DLG1: variants seen among roughly 807,000 people sequenced by gnomAD.
The protein encoded by DLG1 is disks large homolog 1.
In DLG1, 42 loss-of-function variants were observed where a neutral mutation model predicts 123.4. That is an observed-to-expected ratio of 0.34 (90% CI 0.27 to 0.44). The LOEUF (loss-of-function observed/expected upper bound fraction) is 0.44, where lower values mean the gene tolerates loss of function less well. Among genes scored for constraint, DLG1 ranks in the 20% least tolerant of loss-of-function variants. The pLI is 1.00. For missense variants in DLG1, 942 were observed against 1,082.6 expected (o/e 0.87, Z 1.82); for synonymous variants, 317 against 356.2 (o/e 0.89, Z 1.24).
At chr3:197,276,325 T>C (rs1239033820) in intron 4 of DLG1, among the ~76,000 whole-genome samples, 2 of 152,252 alleles carry the variant, frequency 1.3e-5, no homozygotes, top group Non-Finnish European at 2.9e-5. Flanking sequence ...GTGGTGAATC[T>C]GGAGCATATG....
At chr3:197,183,596 C>T (rs1362164023) in intron 5 of DLG1, 17 of 1,550,206 alleles carry the variant, frequency 1.1e-5, no homozygotes, top group South Asian at 3.6e-5. Flanking sequence ...TGGTGGCTAC[C>T]GAGATGCAGT....
chr3:197,190,437 G>A (rs929216572), intron 5 of DLG1, among the ~76,000 whole-genome samples: 1 of 152,124 alleles, frequency 6.6e-6, no homozygotes, highest in Non-Finnish European at 1.5e-5. Context: ...CTTGGGTTTT[G>A]CATCCTACAA....
chr3:197,298,434 G>A (rs1004776924), intron 1 of DLG1, 102 bp downstream of exon 1: 10 of 398,708 alleles, frequency 2.5e-5, no homozygotes, highest in Non-Finnish European at 4.0e-5. Context: ...CTAGCCCACC[G>A]GCGCGTCCCG....
At chr3:197,216,612 G>A (rs1389141228) in intron 4 of DLG1, among the ~76,000 whole-genome samples, 1 of 152,132 alleles carries the variant, frequency 6.6e-6, no homozygotes, top group Non-Finnish European at 1.5e-5. Flanking sequence ...TTTTCACTGT[G>A]GGCTGGTCAC....
intron 6 of DLG1, among the ~76,000 whole-genome samples, chr3:197,147,151 C>T (rs979123624): frequency 2.6e-5 from 4 of 152,030 alleles, no homozygotes; most frequent in South Asian, 2.1e-4. Context: ...TAGATGTTGG[C>T]GTGGATGCAG....
intron 3 of DLG1, among the ~76,000 whole-genome samples, chr3:197,284,620 G>T (rs1276723145): frequency 5.3e-5 from 8 of 152,042 alleles, no homozygotes; most frequent in Non-Finnish European, 4.4e-5. Context: ...AAATACCAAA[G>T]AATTGAAATC....
At chr3:197,214,070 G>A (rs769320971) in intron 4 of DLG1, among the ~76,000 whole-genome samples, 1 of 152,120 alleles carries the variant, frequency 6.6e-6, no homozygotes, top group Non-Finnish European at 1.5e-5. Flanking sequence ...ATATGCAAAT[G>A]TAATAGCTGT....
intron 4 of DLG1, chr3:197,260,346 G>C: frequency 2.6e-6 from 1 of 383,282 alleles, no homozygotes; most frequent in Non-Finnish European, 5.1e-6. Flanking sequence ...TTGCCTAGTT[G>C]AACAAAACAT....
chr3:197,062,937 A>G (rs1736847239), intron 22 of DLG1, among the ~76,000 whole-genome samples: 1 of 151,980 alleles, frequency 6.6e-6, no homozygotes. Flanking sequence ...CCTTTTTCTG[A>G]CAGTCAAACC....
chr3:197,102,273 A>T (rs1026882846), intron 14 of DLG1, among the ~76,000 whole-genome samples: 2 of 152,222 alleles, frequency 1.3e-5, no homozygotes, highest in Non-Finnish European at 2.9e-5. Flanking sequence ...TTGGAAGACT[A>T]ATAAGGCAAA....
chr3:197,093,577 T>G (rs1332247888), intron 14 of DLG1, among the ~76,000 whole-genome samples: 1 of 149,916 alleles, frequency 6.7e-6, no homozygotes, highest in Non-Finnish European at 1.5e-5. Context: ...TTTTTTTTTT[T>G]ACAGCAATAT....
intron 15 of DLG1, among the ~76,000 whole-genome samples, chr3:197,089,205 C>T (rs1457956691): frequency 6.6e-6 from 1 of 152,082 alleles, no homozygotes. Flanking sequence ...AGTTGTTTTT[C>T]ATTATAAGTC....
chr3:197,165,343 T>C (rs1800890592), intron 5 of DLG1, among the ~76,000 whole-genome samples: 2 of 152,222 alleles, frequency 1.3e-5, no homozygotes, highest in African/African-American at 4.8e-5. Context: ...TTATTTCCTG[T>C]AGAAAGAGAT....
intron 4 of DLG1, among the ~76,000 whole-genome samples, chr3:197,246,176 A>G (rs1002701900): frequency 1.3e-5 from 2 of 152,162 alleles, no homozygotes; most frequent in Non-Finnish European, 2.9e-5. Context: ...CAGCTTCCCC[A>G]TCGACCACTG....
At chr3:197,236,726 G>GT (rs1746176094) in intron 4 of DLG1, among the ~76,000 whole-genome samples, 1 of 152,216 alleles carries the variant, frequency 6.6e-6, no homozygotes, top group Admixed American at 6.5e-5. Context: ...GTTTTACCAA[G>GT]TAACGGAGGT....
intron 4 of DLG1, among the ~76,000 whole-genome samples, chr3:197,251,971 T>G (rs1197608436): frequency 1.3e-5 from 2 of 152,222 alleles, no homozygotes; most frequent in Non-Finnish European, 2.9e-5. Flanking sequence ...TTTGATAATT[T>G]TTATGAAACA....
At chr3:197,269,976 T>C (rs541911415) in intron 4 of DLG1, among the ~76,000 whole-genome samples, 1 of 152,336 alleles carries the variant, frequency 6.6e-6, no homozygotes, top group South Asian at 2.1e-4. Flanking sequence ...TGTGCTTTCT[T>C]CTCACGCGAT....
chr3:197,049,420 T>G (rs1224515455), intron 24 of DLG1, among the ~76,000 whole-genome samples: 1 of 152,206 alleles, frequency 6.6e-6, no homozygotes, highest in African/African-American at 2.4e-5. Flanking sequence ...TGCAACATAA[T>G]CAACAATAGC....
intron 4 of DLG1, among the ~76,000 whole-genome samples, chr3:197,207,591 A>G (rs1578087473): frequency 6.6e-6 from 1 of 152,288 alleles, no homozygotes; most frequent in South Asian, 2.1e-4. Flanking sequence ...GATAAGGAGT[A>G]AGTGTGCACA....
Sources: gnomAD v4.1 joint callset for allele counts (sites outside exome capture counted in the v4.1 genomes callset) on GRCh38, gnomAD v4.1.1 for gene constraint, MANE v1.5 for transcripts, NCBI Gene and HGNC (gene_info 2026-07-23, HGNC 2026-07-21) for gene names.